ANKRD55: variants seen among roughly 807,000 people sequenced by gnomAD.
ANKRD55 encodes the protein ankyrin repeat domain 55.
A neutral mutation model predicts 60.6 loss-of-function variants in ANKRD55; 41 were observed. That is an observed-to-expected ratio of 0.68 (90% CI 0.53 to 0.88). The LOEUF is 0.88. ANKRD55 is among the 40% of genes least tolerant of loss of function. ANKRD55 has a pLI of 0.00. For missense variants in ANKRD55, 732 were observed against 767.6 expected, an observed-to-expected ratio of 0.95 and a Z score of 0.55; for synonymous variants, 264 against 290.3, an observed-to-expected ratio of 0.91 and a Z score of 0.92.
At chr5:56,187,304 C>T (rs866930897) in intron 2 of ANKRD55, among the ~76,000 whole-genome samples, 1 of 152,340 alleles carries the variant, frequency 6.6e-6, no homozygotes, top group Middle Eastern at 3.4e-3. Flanking sequence ...AGAGAGCTCA[C>T]TAAAACGCTC....
At chr5:56,190,614 A>T (rs574476479) in intron 2 of ANKRD55, among the ~76,000 whole-genome samples, 12 of 152,284 alleles carry the variant, frequency 7.9e-5, no homozygotes, top group African/African-American at 2.4e-4. Flanking sequence ...GCTATAACAC[A>T]ATACTATAGA....
At chr5:56,184,016 T>G (rs1758911424) in intron 2 of ANKRD55, among the ~76,000 whole-genome samples, 1 of 152,302 alleles carries the variant, frequency 6.6e-6, no homozygotes, top group South Asian at 2.1e-4. Flanking sequence ...ATAACTCAGT[T>G]TACTACCTTT....
chr5:56,113,507 G>GTAAA (rs1232210229), intron 9 of ANKRD55, among the ~76,000 whole-genome samples: 3 of 152,170 alleles, frequency 2.0e-5, no homozygotes, highest in African/African-American at 7.2e-5. Flanking sequence ...TTGTCTTGGG[G>GTAAA]TAAAGCAGCT....
At chr5:56,130,489 G>C (rs1324822014) in intron 7 of ANKRD55, among the ~76,000 whole-genome samples, 1 of 152,110 alleles carries the variant, frequency 6.6e-6, no homozygotes, top group East Asian at 1.9e-4. Context: ...ATCATAGGAC[G>C]ATATAGTACA....
chr5:56,132,424 C>CAAAAAA (rs34289990), intron 7 of ANKRD55, among the ~76,000 whole-genome samples: 14 of 120,358 alleles, frequency 1.2e-4, no homozygotes, highest in African/African-American at 4.0e-4. Flanking sequence ...ACTTAAAATA[C>CAAAAAA]AAAAAAAAAA....
intron 7 of ANKRD55, among the ~76,000 whole-genome samples, chr5:56,136,751 T>C (rs10461423): frequency 0.18 from 27,274 of 151,150 alleles, 2,732 homozygotes; most frequent in South Asian, 0.23. Flanking sequence ...TGAAACCTCA[T>C]CTCTAAAAAA....
intron 2 of ANKRD55, among the ~76,000 whole-genome samples, chr5:56,223,670 A>T (rs1219461162): frequency 6.6e-6 from 1 of 152,228 alleles, no homozygotes; most frequent in Admixed American, 6.5e-5. Flanking sequence ...TGGAAAACAA[A>T]AAAAGGCAGG....
intron 2 of ANKRD55, among the ~76,000 whole-genome samples, chr5:56,228,508 C>A (rs1027118831): frequency 6.6e-6 from 1 of 151,866 alleles, no homozygotes; most frequent in Non-Finnish European, 1.5e-5. Flanking sequence ...TCACTGCAAC[C>A]TCCGCCTCCT....
At chr5:56,192,831 C>A in intron 2 of ANKRD55, 1 of 739,470 alleles carries the variant, frequency 1.4e-6, no homozygotes, top group African/African-American at 1.8e-5. Flanking sequence ...TGGGTTATGA[C>A]AGGCTCTCAA....
intron 6 of ANKRD55, among the ~76,000 whole-genome samples, chr5:56,155,683 TA>T (rs976172870): frequency 6.6e-6 from 1 of 151,852 alleles, no homozygotes; most frequent in African/African-American, 2.4e-5. Flanking sequence ...CCATCTCTAC[TA>T]AAAATGGAAA....
chr5:56,185,311 A>C (rs1357139373), intron 2 of ANKRD55, among the ~76,000 whole-genome samples: 4 of 152,158 alleles, frequency 2.6e-5, no homozygotes, highest in Admixed American at 1.3e-4. Context: ...GGAGGCCTCC[A>C]GGGAGAGGCT....
At chr5:56,211,056 G>A (rs934173716) in intron 2 of ANKRD55, among the ~76,000 whole-genome samples, 1 of 152,040 alleles carries the variant, frequency 6.6e-6, no homozygotes, top group African/African-American at 2.4e-5. Flanking sequence ...TGAATTTGGG[G>A]GTACAGCCAA....
chr5:56,201,161 C>T (rs893267600), intron 2 of ANKRD55, among the ~76,000 whole-genome samples: 57 of 152,308 alleles, frequency 3.7e-4, no homozygotes, highest in Non-Finnish European at 5.9e-5. Context: ...CCTCTCTCCC[C>T]CTGCGGGATT....
intron 2 of ANKRD55, among the ~76,000 whole-genome samples, chr5:56,223,930 A>T (rs1350575995): frequency 6.6e-6 from 1 of 152,222 alleles, no homozygotes; most frequent in Non-Finnish European, 1.5e-5. Flanking sequence ...CAGATCCATG[A>T]GACAGAAAGT....
intron 2 of ANKRD55, among the ~76,000 whole-genome samples, chr5:56,205,980 T>TTTTG (rs1177950881): frequency 1.3e-5 from 2 of 150,986 alleles, no homozygotes; most frequent in African/African-American, 4.9e-5. Flanking sequence ...TCTTGTTTTT[T>TTTTG]TTTTTTTTCC....
At chr5:56,162,055 T>C (rs1758345491) in intron 5 of ANKRD55, 1 of 985,210 alleles carries the variant, frequency 1.0e-6, no homozygotes, top group Admixed American at 6.1e-5. Flanking sequence ...GTTTACTCTC[T>C]AGGGCCCATT....
intron 10 of ANKRD55, among the ~76,000 whole-genome samples, chr5:56,106,025 A>T (rs1328266862): frequency 6.6e-6 from 1 of 152,202 alleles, no homozygotes; most frequent in Non-Finnish European, 1.5e-5. Flanking sequence ...TAAGTGCTTC[A>T]TCCCCCATCT....
chr5:56,224,326 A>C (rs1175783368), intron 2 of ANKRD55, among the ~76,000 whole-genome samples: 8 of 152,040 alleles, frequency 5.3e-5, no homozygotes, highest in Admixed American at 1.3e-4. Context: ...TCTCTGGGAC[A>C]CATTTAAGGC....
intron 6 of ANKRD55, among the ~76,000 whole-genome samples, chr5:56,147,563 G>A (rs144483927): frequency 3.9e-5 from 6 of 152,194 alleles, no homozygotes; most frequent in African/African-American, 9.6e-5. Flanking sequence ...CCAGTTCACC[G>A]TCACCACAAA....
Sources: allele counts gnomAD v4.1 joint callset (sites outside exome capture counted in the v4.1 genomes callset), GRCh38; gene constraint gnomAD v4.1.1; transcripts MANE v1.5; gene names NCBI Gene and HGNC (gene_info 2026-07-23, HGNC 2026-07-21).